Variants in ZBTB10 observed in about 807,000 individuals in gnomAD.
ZBTB10 encodes the protein zinc finger and BTB domain-containing protein 10.
ZBTB10 carries 32 observed loss-of-function variants against 76.4 expected under a neutral mutation model. That is an observed-to-expected ratio of 0.42 (90% CI 0.32 to 0.56). ZBTB10 has a LOEUF of 0.56. Ranked by LOEUF, ZBTB10 falls within the 20% of genes least tolerant of loss-of-function variation. The pLI is 0.14. For synonymous variants in ZBTB10, 523 were observed against 432.9 expected (o/e 1.21, Z -2.58); for missense variants, 1,057 against 1,098.5 (o/e 0.96, Z 0.53).
At chr8:80,510,956 G>T (rs1465918004) in intron 2 of ZBTB10, among the ~76,000 whole-genome samples, 2 of 152,110 alleles carry the variant, frequency 1.3e-5, no homozygotes, top group Admixed American at 1.3e-4. Flanking sequence ...TAAGTGGTTG[G>T]TTGTTTGGTT....
intron 2 of ZBTB10, among the ~76,000 whole-genome samples, chr8:80,503,160 CTCT>C (rs1815967146): frequency 6.6e-6 from 1 of 152,148 alleles, no homozygotes; most frequent in African/African-American, 2.4e-5. Flanking sequence ...TCAAATTAAG[CTCT>C]TGTCCTCAGT....
chr8:80,493,785 G>A lies in ZBTB10; in HGVS notation c.973-5709G>A, dbSNP rs182429828. Among the ~76,000 whole-genome samples the A allele has an allele frequency of 4.6e-5, 7 of 152,284 alleles. No homozygotes were observed. The East Asian group carries it at 7.7e-4, about 17-fold the overall frequency. On this transcript the variant is annotated intron_variant, in intron 1 of 5. Transcript: ENST00000455036. ...GCAGAGGTTGTGGTGAGCCGAGATC[G>A]CGCCCTTGTGCTTGGACAACAAGAG...
In ZBTB10 at chr8:80,518,528, A is replaced by C. The variant is rs1274937892; in HGVS notation, c.2086A>C (p.Lys696Gln). 2.6e-6 allele frequency: 4 copies of C among 1,553,570 alleles called. No homozygotes were observed. The Admixed American group carries it at 7.8e-5, about 30-fold the overall frequency. ...GLIPGASNDF[K>Q]YGLLPESWPK... is the part of the protein sequence containing the mutation. ...GATACCAGGTGCTTCAAATGATTTC[A>C]AGTATGGATTATTGCCAGAATCTTG... is the stretch of plus-strand genomic sequence containing the variant. The change falls in exon 4 of 6, where the codon AAG (lysine) becomes CAG (glutamine). Residue 696 changes from lysine to glutamine, a missense_variant. By Grantham distance (53) the Lys-to-Gln change is moderately conservative (BLOSUM62 1). Transcript: ENST00000455036.
At chr8:80,486,096 C>A (rs1240269269), upstream of ZBTB10, 43 of 625,594 alleles carry the variant, frequency 6.9e-5, no homozygotes, top group East Asian at 1.6e-3. Context: ...CTTTCCCGGT[C>A]CCCTGGCGCC....
intron 2 of ZBTB10, among the ~76,000 whole-genome samples, chr8:80,507,100 G>A (rs1816077417): frequency 2.0e-5 from 3 of 152,008 alleles, no homozygotes; most frequent in African/African-American, 7.2e-5. Context: ...ACGAGGGCAA[G>A]AGATCGAGAT....
chr8:80,508,491 G>C (rs1485153315), intron 2 of ZBTB10, among the ~76,000 whole-genome samples: 1 of 152,170 alleles, frequency 6.6e-6, no homozygotes, highest in African/African-American at 2.4e-5. Flanking sequence ...TCCCTTATGC[G>C]GAACTTATTC....
In ZBTB10 at chr8:80,522,329, C is replaced by T. The variant is rs942379080; in HGVS notation, c.*2801C>T. ...TATGTTACACATTTGGCGAAGTTGTCTCTTGTAATTTATATTTTAAATGAA... is the reference window on the plus strand; with the variant it reads ...TATGTTACACATTTGGCGAAGTTGTTTCTTGTAATTTATATTTTAAATGAA... On this transcript the variant is annotated 3_prime_UTR_variant, in exon 6 of 6. Coordinates refer to ENST00000455036, the MANE Select transcript of ZBTB10 (RefSeq NM_001105539.3). The T allele has an allele frequency of 2.6e-5, 4 of 151,756 alleles. No individual in the cohort carries two copies. Among genetic ancestry groups the T allele is most frequent in the Admixed American group, 2.6e-4 (4 of 15,210 alleles). 9.4% of individuals were successfully genotyped at this position (151,756 alleles called of 1,614,324 possible). A position where few individuals can be genotyped will look rare whatever the true frequency, so the allele number is the denominator to read the frequency against.
rs1459911970 is a variant in ZBTB10, at chr8:80,522,455, T to C, written c.*2927T>C. 1 of 151,948 alleles carries C rather than the reference T, an allele frequency of 6.6e-6. No individual in the cohort carries two copies. The highest frequency in any genetic ancestry group is 1.5e-5 in the Non-Finnish European group (1 of 67,856). The allele number at this position is 151,948 out of a possible 1,614,324, so 9.4% of individuals were successfully genotyped here. Reference sequence around the variant, plus strand: ...CTCATAAATCAAGATTGTGCATTATTAGAGTTCTCAGAGACAGATACTTCC... The same window carrying C: ...CTCATAAATCAAGATTGTGCATTATCAGAGTTCTCAGAGACAGATACTTCC... On this transcript the variant is annotated 3_prime_UTR_variant, in exon 6 of 6. Transcript: ENST00000455036.
At chr8:80,497,120 G>A (rs1006958410) in intron 1 of ZBTB10, among the ~76,000 whole-genome samples, 7 of 152,116 alleles carry the variant, frequency 4.6e-5, no homozygotes, top group Admixed American at 1.3e-4. Flanking sequence ...CCAAGTAATT[G>A]TTACAGGTGT....
chr8:80,500,016 G>T lies in ZBTB10; in HGVS notation c.1495G>T (p.Ala499Ser), dbSNP rs752720499. 4 of 1,613,918 alleles carry T rather than the reference G, an allele frequency of 2.5e-6. No individual in the cohort carries two copies. The East Asian group carries it at 8.9e-5, about 36-fold the overall frequency. ...GLSSSRDQKI[A>S]SFWATRNLTN... is the part of the protein sequence containing the mutation. ...GTCTTCATCACGGGATCAAAAAATT[G>T]CCAGTTTTTGGGCAACACGGAATCT... Residue 499 changes from alanine (A) to serine (S), a missense_variant, in exon 2 of 6, where the codon GCC becomes TCC. Ala to Ser is a moderately conservative substitution (Grantham distance 99). Coordinates refer to ENST00000455036, the MANE Select transcript of ZBTB10 (RefSeq NM_001105539.3).
In ZBTB10 at chr8:80,486,609, G is replaced by A. The variant is rs1208344938; in HGVS notation, c.-202G>A. ...CGGTCGGAGGCGTCGGCCCGGCAGCGGCAGCGGCAGCGGACGCGTGCAGCA... is the reference window on the plus strand; with the variant it reads ...CGGTCGGAGGCGTCGGCCCGGCAGCAGCAGCGGCAGCGGACGCGTGCAGCA... On this transcript the variant is annotated 5_prime_UTR_variant, in exon 1 of 6. Transcript: ENST00000455036. 4.1e-6 allele frequency: 4 copies of A among 987,200 alleles called. No homozygotes were observed. The highest frequency in any genetic ancestry group is 4.8e-6 in the Non-Finnish European group (4 of 831,488). The allele number at this position is 987,200 out of a possible 1,614,324, so 61.2% of individuals were successfully genotyped here.
rs1451132719 is a variant in ZBTB10 at position 80,499,723 on chromosome 8, C to T, written c.1202C>T (p.Pro401Leu). ...TATTGCTTTTCAAACAAAGAAAGCCCTAACCAAAACAATACTACCCACTTA... is the reference window on the plus strand; with the variant it reads ...TATTGCTTTTCAAACAAAGAAAGCCTTAACCAAAACAATACTACCCACTTA... ...TLYCFSNKESPNQNNTTHLDI... is the reference protein window; with the variant it reads ...TLYCFSNKESLNQNNTTHLDI... The change falls in exon 2 of 6, where the codon CCT becomes CTT. Residue 401 changes from proline to leucine, a missense_variant. By Grantham distance (98) the Pro-to-Leu change is moderately conservative. Coordinates refer to ENST00000455036, the MANE Select transcript of ZBTB10 (RefSeq NM_001105539.3). The T allele has an allele frequency of 1.2e-6, 2 of 1,613,810 alleles. No homozygotes were observed. The highest frequency in any genetic ancestry group is 1.7e-6 in the Non-Finnish European group (2 of 1,179,872).
At chr8:80,491,535 CT>C (rs1432617566) in intron 1 of ZBTB10, among the ~76,000 whole-genome samples, 1 of 152,120 alleles carries the variant, frequency 6.6e-6, no homozygotes, top group African/African-American at 2.4e-5. Flanking sequence ...TTAATTGGAC[CT>C]TGGTTATTGT....
chr8:80,518,689 A>G (rs1164010112), intron 4 of ZBTB10, 93 bp from the exon 5 acceptor site: 1 of 1,484,162 alleles, frequency 6.7e-7, no homozygotes, highest in Non-Finnish European at 9.0e-7. Context: ...GCTCCACATA[A>G]TTGCTGTTCT....
At chr8:80,512,909 T>C (rs1816231711) in intron 2 of ZBTB10, among the ~76,000 whole-genome samples, 1 of 152,066 alleles carries the variant, frequency 6.6e-6, no homozygotes, top group African/African-American at 2.4e-5. Flanking sequence ...CTCAGTAAGA[T>C]TACCAGTGAC....
upstream of ZBTB10, chr8:80,485,880 G>A: frequency 6.5e-7 from 1 of 1,535,724 alleles, no homozygotes; most frequent in Non-Finnish European, 8.7e-7. Context: ...CCGGGCGCGG[G>A]TAGGTGCGTG....
chr8:80,513,070 A>T (rs1465631140), intron 2 of ZBTB10, among the ~76,000 whole-genome samples: 1 of 152,076 alleles, frequency 6.6e-6, no homozygotes, highest in East Asian at 1.9e-4. Context: ...CAGTATACTT[A>T]ATCTTTTCTC....
Position 80,487,693 on chromosome 8 carries a change from C to G in ZBTB10, c.883C>G (p.Leu295Val). 1 of 1,613,938 alleles carries G rather than the reference C, an allele frequency of 6.2e-7. No individual in the cohort carries two copies. The highest frequency in any genetic ancestry group is 8.5e-7 in the Non-Finnish European group (1 of 1,179,872). Reference protein sequence around the residue: ...VDLPPVGHDELSRGTRNYKKT... With the variant: ...VDLPPVGHDEVSRGTRNYKKT... ...CCTTCCCCCAGTGGGGCATGATGAG[C>G]TTTCGCGAGGGACCCGCAACTACAA... is the stretch of plus-strand genomic sequence containing the variant. Residue 295 changes from leucine (L) to valine (V), a missense_variant, in exon 1 of 6, where the codon CTT (leucine) becomes GTT (valine). Transcript: ENST00000455036.
intron 1 of ZBTB10, among the ~76,000 whole-genome samples, chr8:80,498,856 A>G (rs999886025): frequency 1.3e-5 from 2 of 152,234 alleles, no homozygotes; most frequent in Non-Finnish European, 2.9e-5. Context: ...AGTTTATAGT[A>G]CTTATGACCC....
Sources: gnomAD v4.1 joint callset for allele counts (sites outside exome capture counted in the v4.1 genomes callset) on GRCh38, gnomAD v4.1.1 for gene constraint, MANE v1.5 for transcripts, NCBI Gene and HGNC (gene_info 2026-07-23, HGNC 2026-07-21) for gene names.